The following CCNJL variants were observed in gnomAD, a reference collection of about 807,000 sequenced individuals.
CCNJL encodes cyclin-J-like protein.
Under a neutral mutation model 33.4 loss-of-function variants are expected in CCNJL, and 33 were observed. The ratio of observed to expected loss-of-function variants is 0.99; its 90% CI spans 0.75 to 1.32. The LOEUF is 1.32. Ranked by LOEUF, CCNJL falls within the 40% of genes most tolerant of loss-of-function variation. The probability of loss-of-function intolerance (pLI) is 0.00; values close to 1 mark genes in which losing one functional copy is unlikely to be tolerated. For missense variants in CCNJL, 512 were observed against 499.7 expected (o/e 1.02, Z -0.23); for synonymous variants, 227 against 220.9 (o/e 1.03, Z -0.24).
upstream of CCNJL, among the ~76,000 whole-genome samples, chr5:160,314,062 G>C (rs932458638): frequency 6.6e-6 from 1 of 152,136 alleles, no homozygotes; most frequent in Non-Finnish European, 1.5e-5. Flanking sequence ...CCAGCTACTT[G>C]GTAGGCTGAG....
chr5:160,311,085 G>C (rs559116324), intron 2 of CCNJL, among the ~76,000 whole-genome samples: 4 of 152,188 alleles, frequency 2.6e-5, no homozygotes, highest in African/African-American at 7.2e-5. Context: ...CTGGAGGCAA[G>C]ACACACAGGC....
chr5:160,329,503 A>C (rs1763580843), intron 1 of CCNJL, among the ~76,000 whole-genome samples: 1 of 151,472 alleles, frequency 6.6e-6, no homozygotes, highest in South Asian at 2.1e-4. Flanking sequence ...GGCGCCCACC[A>C]CCACGCCGGC....
intron 2 of CCNJL, among the ~76,000 whole-genome samples, chr5:160,307,934 T>G (rs1210268886): frequency 6.6e-6 from 1 of 152,182 alleles, no homozygotes; most frequent in African/African-American, 2.4e-5. Context: ...CCCATTGGGA[T>G]GCCAGGCTGC....
At chr5:160,318,660 T>G (rs1439911459) in intron 1 of CCNJL, among the ~76,000 whole-genome samples, 1 of 152,256 alleles carries the variant, frequency 6.6e-6, no homozygotes, top group Non-Finnish European at 1.5e-5. Flanking sequence ...TCCTTACTCA[T>G]TAGTATTATG....
chr5:160,253,154 C>A lies in CCNJL; in HGVS notation c.*224G>T. The A allele has an allele frequency of 2.2e-6, 1 of 454,548 alleles. No individual in the cohort carries two copies. The highest frequency in any genetic ancestry group is 3.5e-5 in the East Asian group (1 of 28,874). 28.2% of individuals were successfully genotyped at this position (454,548 alleles called of 1,614,324 possible). ...GGCCACCAAGCCATCCTTTTGTACC[C>A]TAGCCACACGTGGCAGACGTTTCTC... On this transcript the variant is annotated 3_prime_UTR_variant, in exon 6 of 6. Transcript: ENST00000257536.
At position 160,250,014 on chromosome 5, in the gene CCNJL, C is replaced by T. The variant is rs1379440918; in HGVS notation, c.*3364G>A. ...CCTCTGAATTTAACCTGATGCCAGC[C>T]CTGGGAGGAACTTTAAGACTATCTT... is the stretch of plus-strand genomic sequence containing the variant. On this transcript the variant is annotated 3_prime_UTR_variant, in exon 6 of 6. Coordinates refer to ENST00000257536, the MANE Select transcript of CCNJL (RefSeq NM_001308173.3). The T allele has an allele frequency of 2.0e-5, 3 of 151,998 alleles. No homozygotes were observed. Among genetic ancestry groups the T allele is most frequent in the Admixed American group, 6.6e-5 (1 of 15,260 alleles). 9.4% of individuals were successfully genotyped at this position (151,998 alleles called of 1,614,324 possible).
intron 3 of CCNJL, among the ~76,000 whole-genome samples, chr5:160,269,806 C>T (rs1381218427): frequency 6.6e-6 from 1 of 152,206 alleles, no homozygotes; most frequent in Non-Finnish European, 1.5e-5. Context: ...CATAGTTGTA[C>T]AGTGGCTGAG....
At chr5:160,274,382 C>T (rs1701191580) in intron 3 of CCNJL, among the ~76,000 whole-genome samples, 1 of 152,058 alleles carries the variant, frequency 6.6e-6, no homozygotes, top group African/African-American at 2.4e-5. Context: ...TCACCTGAAC[C>T]CAGGAGGCAG....
At chr5:160,271,373 TAAAA>T (rs777406496) in intron 3 of CCNJL, among the ~76,000 whole-genome samples, 1 of 151,526 alleles carries the variant, frequency 6.6e-6, no homozygotes, top group Non-Finnish European at 1.5e-5. Flanking sequence ...AAAATTAAAA[TAAAA>T]AAAAGCCATG....
intron 4 of CCNJL, among the ~76,000 whole-genome samples, chr5:160,257,655 A>T (rs1002568146): frequency 6.8e-6 from 1 of 147,270 alleles, no homozygotes; most frequent in Non-Finnish European, 1.5e-5. Flanking sequence ...CTCCACAAAA[A>T]GGAAAAAAAA....
At chr5:160,323,941 A>G (rs560825500) in intron 1 of CCNJL, among the ~76,000 whole-genome samples, 1 of 152,220 alleles carries the variant, frequency 6.6e-6, no homozygotes, top group Non-Finnish European at 1.5e-5. Flanking sequence ...GCTCACCTGC[A>G]TTCCGACGGG....
intron 2 of CCNJL, among the ~76,000 whole-genome samples, chr5:160,297,682 G>A (rs1185652399): frequency 3.3e-5 from 5 of 149,460 alleles, no homozygotes; most frequent in South Asian, 2.1e-4. Context: ...ACAAAACACC[G>A]GAGAAATAAA....
chr5:160,276,666 T>C (rs561763325), intron 3 of CCNJL, among the ~76,000 whole-genome samples: 15 of 152,310 alleles, frequency 9.8e-5, no homozygotes, highest in African/African-American at 3.4e-4. Context: ...AGTTTCCTTT[T>C]AAGGTGATAA....
intron 1 of CCNJL, among the ~76,000 whole-genome samples, chr5:160,329,409 G>A (rs529518898): frequency 1.1e-4 from 16 of 150,062 alleles, no homozygotes; most frequent in African/African-American, 2.7e-4. Context: ...GGAGTGCAGC[G>A]GCATGATCTC....
chr5:160,250,901 CTA>C lies in CCNJL; in HGVS notation c.*2475_*2476del, dbSNP rs890385947. On this transcript the variant is annotated 3_prime_UTR_variant, in exon 6 of 6. Transcript: ENST00000257536. Reference sequence around the variant, plus strand: ...ATGTTATTTAATCCTCTTAAGAACCCTATGAGGCAAGGTGTTATCACTCCCAT... The same window carrying C: ...ATGTTATTTAATCCTCTTAAGAACCCTGAGGCAAGGTGTTATCACTCCCAT... 1.3e-5 allele frequency: 2 copies of C among 152,084 alleles called. No homozygotes were observed. The highest frequency in any genetic ancestry group is 2.4e-5 in the African/African-American group (1 of 41,418). 9.4% of individuals were successfully genotyped at this position (152,084 alleles called of 1,614,324 possible).
Position 160,250,471 on chromosome 5 carries a change from C to T in CCNJL, c.*2907G>A, listed in dbSNP as rs1361964262. ...GCCCTGAGCTCATCTTCCCATTCCT[C>T]CCCTAATTGTCTAATCAAAGGCATC... On this transcript the variant is annotated 3_prime_UTR_variant, in exon 6 of 6. Transcript: ENST00000257536. 2 of 152,266 alleles carry T rather than the reference C, an allele frequency of 1.3e-5. No homozygotes were observed. The highest frequency in any genetic ancestry group is 4.8e-5 in the African/African-American group (2 of 41,464). The allele number at this position is 152,266 out of a possible 1,614,324, so 9.4% of individuals were successfully genotyped here. A position where few individuals can be genotyped will look rare whatever the true frequency, so the allele number is the denominator to read the frequency against.
In CCNJL at chr5:160,249,144, A is replaced by G. The variant is rs968115117; in HGVS notation, c.*4234T>C. ...GCCTAGTGTATTTCATGAGGAGGTC[A>G]GCTCATTTGCTCCCATTTGAACCAT... On this transcript the variant is annotated 3_prime_UTR_variant, in exon 6 of 6. Coordinates refer to ENST00000257536, the MANE Select transcript of CCNJL (RefSeq NM_001308173.3). 1 of 152,226 alleles carries G rather than the reference A, an allele frequency of 6.6e-6. No homozygotes were observed. The highest frequency in any genetic ancestry group is 1.5e-5 in the Non-Finnish European group (1 of 68,038). The allele number at this position is 152,226 out of a possible 1,614,324, so 9.4% of individuals were successfully genotyped here.
At chr5:160,322,978 T>A (rs1384724049) in intron 1 of CCNJL, among the ~76,000 whole-genome samples, 2 of 150,008 alleles carry the variant, frequency 1.3e-5, no homozygotes, top group African/African-American at 4.9e-5. Context: ...CTCACGACTG[T>A]AATCCCAGCC....
At chr5:160,282,917 A>AAATGTT (rs1762260517) in intron 2 of CCNJL, among the ~76,000 whole-genome samples, 2 of 141,296 alleles carry the variant, frequency 1.4e-5, no homozygotes, top group Admixed American at 1.5e-4. Context: ...AAACTCCTTA[A>AAATGTT]AATGTTAAAC....
Sources: allele counts gnomAD v4.1 joint callset (sites outside exome capture counted in the v4.1 genomes callset), GRCh38; gene constraint gnomAD v4.1.1; transcripts MANE v1.5; gene names NCBI Gene and HGNC (gene_info 2026-07-23, HGNC 2026-07-21).